ARL3: variants seen among roughly 807,000 people sequenced by gnomAD.
ARL3 encodes the protein ADP-ribosylation factor-like protein 3.
In ARL3, 9 loss-of-function variants were observed where a neutral mutation model predicts 26.0. The observed-to-expected ratio is 0.35, with a 90% CI of 0.21 to 0.60. The LOEUF (loss-of-function observed/expected upper bound fraction) is 0.60. ARL3 is among the 20% of genes least tolerant of loss of function. The pLI is 0.78. For synonymous variants in ARL3, 71 were observed against 78.4 expected (o/e 0.91, Z 0.50); for missense variants, 158 against 215.7 (o/e 0.73, Z 1.67).
chr10:102,689,185 C>T lies in ARL3; in HGVS notation c.315+708G>A, dbSNP rs546681676. On this transcript the variant is annotated intron_variant, in intron 4 of 5. Coordinates refer to ENST00000260746, the MANE Select transcript of ARL3 (RefSeq NM_004311.4). ...TAAAAATACAAAAAAATTAGCCGGG[C>T]GTGGTGGCGCACGCCTGTAATCCCA... Among the ~76,000 whole-genome samples, 5 of 152,156 alleles carry T rather than the reference C, an allele frequency of 3.3e-5. No homozygotes were observed. In the South Asian group the frequency reaches 6.2e-4, roughly 19 times the overall value.
At chr10:102,681,955 G>A (rs150591644) in intron 5 of ARL3, among the ~76,000 whole-genome samples, 3 of 152,060 alleles carry the variant, frequency 2.0e-5, no homozygotes, top group Non-Finnish European at 4.4e-5. Context: ...TGGATTTCTC[G>A]ATACCTTTCT....
At chr10:102,685,555 T>C (rs1040284767) in intron 5 of ARL3, among the ~76,000 whole-genome samples, 17 of 152,062 alleles carry the variant, frequency 1.1e-4, no homozygotes, top group African/African-American at 4.1e-4. Flanking sequence ...AATCCTAGAG[T>C]TAGAGACAAT....
At chr10:102,692,740 G>A (rs1333617730) in intron 3 of ARL3, among the ~76,000 whole-genome samples, 1 of 151,558 alleles carries the variant, frequency 6.6e-6, no homozygotes, top group African/African-American at 2.4e-5. Context: ...ACAGAGTCTC[G>A]CTCTGTCACC....
intron 2 of ARL3, among the ~76,000 whole-genome samples, chr10:102,703,336 G>T (rs2064290218): frequency 6.7e-6 from 1 of 149,362 alleles, no homozygotes; most frequent in Non-Finnish European, 1.5e-5. Flanking sequence ...TGTCCAGGAT[G>T]GTCTCCATGT....
intron 3 of ARL3, among the ~76,000 whole-genome samples, chr10:102,696,089 G>T (rs549110556): frequency 1.3e-5 from 2 of 149,840 alleles, no homozygotes; most frequent in African/African-American, 2.5e-5. Context: ...TCAGCCTCCC[G>T]AGCAGCTAGG....
chr10:102,699,139 T>G (rs2064264897), intron 3 of ARL3, among the ~76,000 whole-genome samples: 1 of 152,206 alleles, frequency 6.6e-6, no homozygotes, highest in East Asian at 1.9e-4. Context: ...ACACTTTATT[T>G]TGCCAAGATG....
chr10:102,714,019 C>G (rs1430345683), intron 1 of ARL3, among the ~76,000 whole-genome samples: 1 of 152,220 alleles, frequency 6.6e-6, no homozygotes, highest in Non-Finnish European at 1.5e-5. Context: ...CCCGGCCAGC[C>G]GCGCACTCTG....
chr10:102,712,005 T>C (rs2136012484), intron 1 of ARL3, among the ~76,000 whole-genome samples: 1 of 152,284 alleles, frequency 6.6e-6, no homozygotes, highest in East Asian at 1.9e-4. Flanking sequence ...AAGCTCCATA[T>C]ATGTAGAAAG....
Position 102,689,915 on chromosome 10 carries a change from T to C in ARL3, c.293A>G (p.Lys98Arg), listed in dbSNP as rs2064207975. 6.3e-7 allele frequency: 1 copy of C among 1,598,374 alleles called. No individual in the cohort carries two copies. The highest frequency in any genetic ancestry group is 8.6e-7 in the Non-Finnish European group (1 of 1,169,088). The change falls in exon 4 of 6, where the codon AAA (lysine) becomes AGA (arginine). Residue 98 changes from lysine to arginine, a missense_variant. Lys to Arg is a conservative substitution (Grantham distance 26). Transcript: ENST00000260746. The stretch of plus-strand genomic sequence containing the variant: ...TACCTGACCCGTCTCTTCAAATCTT[T>C]TTCTGTCTGCACTGTCGATTACATA... ...LIYVIDSADRKRFEETGQELA... is the reference protein window; with the variant it reads ...LIYVIDSADRRRFEETGQELA...
At chr10:102,680,778 T>C (rs1408759249) in intron 5 of ARL3, among the ~76,000 whole-genome samples, 1 of 152,186 alleles carries the variant, frequency 6.6e-6, no homozygotes, top group Non-Finnish European at 1.5e-5. Context: ...TGCTTTAAGA[T>C]GATGAGGTGC....
intron 5 of ARL3, among the ~76,000 whole-genome samples, chr10:102,677,444 G>A (rs1403068734): frequency 1.3e-5 from 2 of 152,134 alleles, no homozygotes; most frequent in Admixed American, 1.3e-4. Context: ...CACACACCAG[G>A]GCGATGTGCA....
chr10:102,691,295 CCA>C (rs1234529877), intron 3 of ARL3, among the ~76,000 whole-genome samples: 1 of 134,784 alleles, frequency 7.4e-6, no homozygotes, highest in Non-Finnish European at 1.6e-5. Flanking sequence ...ACCACAGTCC[CCA>C]GAGTGTGATA....
chr10:102,703,127 T>TC (rs1251772522), intron 2 of ARL3, among the ~76,000 whole-genome samples: 1 of 145,712 alleles, frequency 6.9e-6, no homozygotes, highest in East Asian at 2.0e-4. Flanking sequence ...TCTTTTTTTT[T>TC]TTTTTTTTTT....
chr10:102,685,902 T>G lies in ARL3; in HGVS notation c.415A>C (p.Ile139Leu), dbSNP rs763148372. 1 of 1,614,180 alleles carries G rather than the reference T, an allele frequency of 6.2e-7. No individual in the cohort carries two copies. The highest frequency in any genetic ancestry group is 1.1e-5 in the South Asian group (1 of 91,078). ...DLLTAAPASE[I>L]AEGLNLHTIR... ...GTATGCAGGTTCAGTCCTTCTGCAA[T>G]TTCAGAGGCAGGGGCTGCTGTGAGC... is the stretch of plus-strand genomic sequence containing the variant. Residue 139 changes from isoleucine (I) to leucine (L), a missense_variant, in exon 5 of 6, where the codon ATT becomes CTT. Transcript: ENST00000260746.
Position 102,675,638 on chromosome 10 carries a change from G to T in ARL3, c.*1256C>A, listed in dbSNP as rs1220327802. 1 of 152,206 alleles carries T rather than the reference G, an allele frequency of 6.6e-6. No individual in the cohort carries two copies. The highest frequency in any genetic ancestry group is 1.5e-5 in the Non-Finnish European group (1 of 68,048). The allele number at this position is 152,206 out of a possible 1,614,324, so 9.4% of individuals were successfully genotyped here. On this transcript the variant is annotated 3_prime_UTR_variant, in exon 6 of 6. Coordinates refer to ENST00000260746, the MANE Select transcript of ARL3 (RefSeq NM_004311.4). ...AAGCTCGTTTTGCAACGAGGGGCAG[G>T]AGAAATGTTCTGCTATTCCTCTCCA...
chr10:102,705,502 C>A lies in ARL3; in HGVS notation c.4-13G>T. 1 of 1,569,638 alleles carries A rather than the reference C, an allele frequency of 6.4e-7. No homozygotes were observed. The highest frequency in any genetic ancestry group is 8.7e-7 in the Non-Finnish European group (1 of 1,146,974). On this transcript the variant is annotated splice_polypyrimidine_tract_variant and intron_variant, in intron 1 of 5. Transcript: ENST00000260746. Reference sequence around the variant, plus strand: ...TTGAGAGCAAGCCCTTCAACAACCACAAAGGAGACAGATTACTCTGGGGGC... The same window carrying A: ...TTGAGAGCAAGCCCTTCAACAACCAAAAAGGAGACAGATTACTCTGGGGGC...
intron 5 of ARL3, among the ~76,000 whole-genome samples, chr10:102,677,823 T>C (rs1385947442): frequency 2.0e-5 from 3 of 152,158 alleles, no homozygotes; most frequent in African/African-American, 4.8e-5. Context: ...CCATGAGTCC[T>C]TCCCCTTGCA....
chr10:102,698,705 G>A (rs181110837), intron 3 of ARL3, among the ~76,000 whole-genome samples: 106 of 152,290 alleles, frequency 7.0e-4, no homozygotes, highest in African/African-American at 2.4e-3. Flanking sequence ...ACAGCGAGCT[G>A]GGAGCTAAAA....
chr10:102,705,280 T>C, intron 2 of ARL3, 66 bp downstream of exon 2: 1 of 1,474,160 alleles, frequency 6.8e-7, no homozygotes, highest in Non-Finnish European at 9.1e-7. Context: ...TTTCCCATTT[T>C]GTCTTTCACA....
Sources: allele counts gnomAD v4.1 joint callset (sites outside exome capture counted in the v4.1 genomes callset), GRCh38; gene constraint gnomAD v4.1.1; transcripts MANE v1.5; gene names NCBI Gene and HGNC (gene_info 2026-07-23, HGNC 2026-07-21).